AFF1: variants seen among roughly 807,000 people sequenced by gnomAD.
AFF1 encodes AF4/FMR2 family member 1.
AFF1 carries 48 observed loss-of-function variants against 121.7 expected under a neutral mutation model. The ratio of observed to expected loss-of-function variants is 0.39; its 90% CI spans 0.31 to 0.50. The LOEUF (loss-of-function observed/expected upper bound fraction) is 0.50, where lower values mean the gene tolerates loss of function less well. AFF1 is among the 20% of genes least tolerant of loss of function. AFF1 has a pLI of 0.76. For synonymous variants in AFF1, 613 were observed against 563.0 expected, an observed-to-expected ratio of 1.09 and a Z score of -1.26; for missense variants, 1,523 against 1,511.7, an observed-to-expected ratio of 1.01 and a Z score of -0.12.
chr4:87,065,124 A>G (rs1024684160), intron 4 of AFF1, among the ~76,000 whole-genome samples: 1 of 152,212 alleles, frequency 6.6e-6, no homozygotes, highest in Admixed American at 6.5e-5. Context: ...TGATAAAGAC[A>G]TACCTGAGAC....
At chr4:87,071,079 A>T (rs190509462) in intron 4 of AFF1, among the ~76,000 whole-genome samples, 1 of 152,140 alleles carries the variant, frequency 6.6e-6, no homozygotes, top group Non-Finnish European at 1.5e-5. Context: ...GGCTGTTTTT[A>T]GTAAGAACTA....
chr4:87,127,820 G>A (rs1026590358), intron 16 of AFF1, 117 bp downstream of exon 16: 9 of 1,014,406 alleles, frequency 8.9e-6, no homozygotes, highest in Middle Eastern at 4.2e-4. Context: ...TGGAAGGAGG[G>A]GGTGCAGCAG....
chr4:87,115,625 T>TTTTTTTTTTTTTTTCC lies in AFF1; in HGVS notation c.2466+326_2466+327insTTTTTTTTTTTTTTCC, dbSNP rs397994396. ...AACCCACCTCTTTTTTTTTTTTTTTTCCAAAGACAGGCCCTTGCTCTGTTG... is the reference window on the plus strand; with the variant it reads ...AACCCACCTCTTTTTTTTTTTTTTTTTTTTTTTTTTTTTTCCCCAAAGACAGGCCCTTGCTCTGTTG... On this transcript the variant is annotated intron_variant, in intron 12 of 20. Coordinates refer to ENST00000395146, the MANE Select transcript of AFF1 (RefSeq NM_001166693.3). Among the ~76,000 whole-genome samples, 24 of 103,034 alleles carry TTTTTTTTTTTTTTTCC rather than the reference T, an allele frequency of 2.3e-4. 1 individual carries two copies. Among genetic ancestry groups the TTTTTTTTTTTTTTTCC allele is most frequent in the East Asian group, 3.6e-4 (1 of 2,758 alleles). The allele number at this position is 103,034 out of a possible 152,430, so 67.6% of individuals were successfully genotyped here.
chr4:87,083,675 T>C (rs545466699), intron 4 of AFF1, among the ~76,000 whole-genome samples: 1 of 152,348 alleles, frequency 6.6e-6, no homozygotes, highest in East Asian at 1.9e-4. Flanking sequence ...TTAGAAACTT[T>C]TAACCTGAGG....
intron 19 of AFF1, among the ~76,000 whole-genome samples, chr4:87,132,722 G>A (rs1172057792): frequency 6.6e-6 from 1 of 152,098 alleles, no homozygotes; most frequent in Non-Finnish European, 1.5e-5. Flanking sequence ...ACAGAGTCTT[G>A]CTCTGTCTCC....
chr4:87,026,005 C>T lies in AFF1; in HGVS notation c.39-20161C>T, dbSNP rs561977046. ...AGTAAATGATTTACCCAAAGAACCA[C>T]AGTTAGGAAGTGGCAGAGCCTAGGT... On this transcript the variant is annotated intron_variant, in intron 2 of 20. Coordinates refer to ENST00000395146, the MANE Select transcript of AFF1 (RefSeq NM_001166693.3). Among the ~76,000 whole-genome samples, 14 of 150,526 alleles carry T rather than the reference C, an allele frequency of 9.3e-5. No individual in the cohort carries two copies. In the South Asian group the frequency reaches 1.5e-3, roughly 16 times the overall value.
chr4:86,980,450 C>T (rs997832395), intron 2 of AFF1, among the ~76,000 whole-genome samples: 3 of 152,088 alleles, frequency 2.0e-5, no homozygotes, highest in Non-Finnish European at 4.4e-5. Context: ...GATGGATAGC[C>T]ACTGCATTCC....
intron 4 of AFF1, among the ~76,000 whole-genome samples, chr4:87,083,662 A>ATT (rs3836602): frequency 0.33 from 50,157 of 152,028 alleles, 8,718 homozygotes; most frequent in South Asian, 0.47. Flanking sequence ...TAATAAAGAA[A>ATT]TTTTAGAAAC....
Position 87,012,217 on chromosome 4 carries a change from CTTG to C in AFF1, c.39-33946_39-33944del, listed in dbSNP as rs1203927402. Among the ~76,000 whole-genome samples, 21 of 115,090 alleles carry C rather than the reference CTTG, an allele frequency of 1.8e-4. 3 individuals are homozygous for C. The highest frequency in any genetic ancestry group is 2.6e-4 in the Non-Finnish European group (14 of 54,232). The allele number at this position is 115,090 out of a possible 152,430, so 75.5% of individuals were successfully genotyped here. A position where few individuals can be genotyped will look rare whatever the true frequency, so the allele number is the denominator to read the frequency against. On this transcript the variant is annotated intron_variant, in intron 2 of 20. Coordinates refer to ENST00000395146, the MANE Select transcript of AFF1 (RefSeq NM_001166693.3). Reference sequence around the variant, plus strand: ...GTTAGCAAACTTCTCCATTTCATTTCTTGTTTTTTTTTTTTTTTGTATAACTAT... The same window carrying C: ...GTTAGCAAACTTCTCCATTTCATTTCTTTTTTTTTTTTTTTGTATAACTAT...
intron 2 of AFF1, among the ~76,000 whole-genome samples, chr4:87,008,664 C>A (rs1044040477): frequency 4.0e-5 from 6 of 151,102 alleles, no homozygotes; most frequent in Non-Finnish European, 8.8e-5. Flanking sequence ...ACTATAGTAC[C>A]AGTCCTTGTG....
Position 87,138,761 on chromosome 4 carries a change from G to C in AFF1, c.*3060G>C. 1 of 230,750 alleles carries C rather than the reference G, an allele frequency of 4.3e-6. No homozygotes were observed. Among genetic ancestry groups the C allele is most frequent in the Admixed American group, 5.6e-5 (1 of 17,720 alleles). The allele number at this position is 230,750 out of a possible 1,614,324, so 14.3% of individuals were successfully genotyped here. A position where few individuals can be genotyped will look rare whatever the true frequency, so the allele number is the denominator to read the frequency against. On this transcript the variant is annotated 3_prime_UTR_variant, in exon 21 of 21. Coordinates refer to ENST00000395146, the MANE Select transcript of AFF1 (RefSeq NM_001166693.3). ...TAGAATCACAATAGGAGGAGAATTT[G>C]ACTGTCTGATATTATGATTTGATTA...
chr4:87,064,899 T>C (rs1016377484), intron 4 of AFF1, among the ~76,000 whole-genome samples: 1 of 131,930 alleles, frequency 7.6e-6, no homozygotes, highest in Non-Finnish European at 1.6e-5. Flanking sequence ...AAAAGCCGGG[T>C]GTTGTGGCAT....
intron 8 of AFF1, among the ~76,000 whole-genome samples, chr4:87,105,119 G>C (rs966863961): frequency 1.4e-4 from 22 of 152,152 alleles, no homozygotes; most frequent in African/African-American, 4.8e-4. Context: ...AACTTTTTAT[G>C]TGCCTGGCAC....
intron 5 of AFF1, among the ~76,000 whole-genome samples, chr4:87,087,927 A>G (rs1270855747): frequency 6.6e-6 from 1 of 152,214 alleles, no homozygotes; most frequent in Non-Finnish European, 1.5e-5. Context: ...CAAGTAAATA[A>G]AACAGCAGGA....
chr4:86,950,239 C>T (rs1300290369), intron 2 of AFF1: 1 of 910,856 alleles, frequency 1.1e-6, no homozygotes, highest in South Asian at 1.4e-5. Flanking sequence ...AGTGCAGTGC[C>T]ATGATCTTGG....
intron 2 of AFF1, chr4:87,007,018 C>G: frequency 8.9e-7 from 1 of 1,127,868 alleles, no homozygotes; most frequent in Non-Finnish European, 1.1e-6. Flanking sequence ...AACTGTGGCC[C>G]GCGTTGTGCT....
rs544804745 is a variant in AFF1 at position 87,026,656 on chromosome 4, G to A, written c.39-19510G>A. 4.6e-5 allele frequency among the ~76,000 whole-genome samples: 7 copies of A among 152,242 alleles called. No homozygotes were observed. The East Asian group carries it at 7.7e-4, about 17-fold the overall frequency. On this transcript the variant is annotated intron_variant, in intron 2 of 20. Coordinates refer to ENST00000395146, the MANE Select transcript of AFF1 (RefSeq NM_001166693.3). ...TCTAAAAGAGCAAGGAAAGAATTTC[G>A]AATGACATGGTTCCTCAGCATGTCT... is the stretch of plus-strand genomic sequence containing the variant.
chr4:87,055,820 A>G (rs894532481), intron 4 of AFF1, among the ~76,000 whole-genome samples: 2 of 152,150 alleles, frequency 1.3e-5, no homozygotes, highest in African/African-American at 4.8e-5. Context: ...TCATGTTAAC[A>G]TAATAATTTA....
rs577790804 is a variant in AFF1 at position 86,949,694 on chromosome 4, C to T, written c.38+1123C>T. 628 of 1,574,372 alleles carry T rather than the reference C, an allele frequency of 4.0e-4. 2 individuals carry two copies. The East Asian group carries it at 0.012, about 29-fold the overall frequency. ...GAGCAGGAAGGGGATGATGGGCATG[C>T]GCAGGGGCGGGTAGTCCCGGAACTC... On this transcript the variant is annotated intron_variant, in intron 2 of 20. Coordinates refer to ENST00000395146, the MANE Select transcript of AFF1 (RefSeq NM_001166693.3).
Sources: gnomAD v4.1 joint callset for allele counts (sites outside exome capture counted in the v4.1 genomes callset) on GRCh38, gnomAD v4.1.1 for gene constraint, MANE v1.5 for transcripts, NCBI Gene and HGNC (gene_info 2026-07-23, HGNC 2026-07-21) for gene names.